SLC1A2: variants seen among roughly 807,000 people sequenced by gnomAD.
SLC1A2 encodes the protein excitatory amino acid transporter 2.
A neutral mutation model predicts 48.8 loss-of-function variants in SLC1A2; 15 were observed. That is an observed-to-expected ratio of 0.31 (90% CI 0.21 to 0.47). SLC1A2 has a LOEUF of 0.47. SLC1A2 is among the 20% of genes least tolerant of loss of function. The probability of loss-of-function intolerance (pLI) is 0.99; values close to 1 mark genes in which losing one functional copy is unlikely to be tolerated. For synonymous variants in SLC1A2, 279 were observed against 272.6 expected, an observed-to-expected ratio of 1.02 and a Z score of -0.23; for missense variants, 502 against 730.5, an observed-to-expected ratio of 0.69 and a Z score of 3.61.
intron 1 of SLC1A2, among the ~76,000 whole-genome samples, chr11:35,328,888 CT>C (rs1278463763): frequency 5.9e-5 from 9 of 152,232 alleles, no homozygotes; most frequent in Admixed American, 5.9e-4. Context: ...CCAACTCTGT[CT>C]CTGGATCACT....
chr11:35,310,399 G>C (rs973325009), intron 4 of SLC1A2, among the ~76,000 whole-genome samples: 2 of 152,186 alleles, frequency 1.3e-5, no homozygotes, highest in African/African-American at 4.8e-5. Context: ...TACAGATGGA[G>C]CCCACTAAGC....
Position 35,381,541 on chromosome 11 carries a change from C to G in SLC1A2, c.17+37409G>C, listed in dbSNP as rs189741654. 1.4e-3 allele frequency among the ~76,000 whole-genome samples: 211 copies of G among 152,202 alleles called. 1 individual carries two copies. The highest frequency in any genetic ancestry group is 4.7e-3 in the African/African-American group (195 of 41,534). ...ACCTTACCCATAAAGATCACCCCTT[C>G]TTTCTCTTTGAGTTTGAGTCCCACC... On this transcript the variant is annotated intron_variant, in intron 1 of 10. Coordinates refer to ENST00000278379, the MANE Select transcript of SLC1A2 (RefSeq NM_004171.4).
intron 1 of SLC1A2, among the ~76,000 whole-genome samples, chr11:35,357,738 C>G (rs772068864): frequency 1.7e-4 from 26 of 152,190 alleles, no homozygotes; most frequent in Admixed American, 1.0e-3. Context: ...TCAGGTCCTA[C>G]ATATTGTCCA....
chr11:35,262,480 G>C (rs942903770), intron 10 of SLC1A2, among the ~76,000 whole-genome samples: 6 of 152,128 alleles, frequency 3.9e-5, no homozygotes, highest in African/African-American at 1.4e-4. Flanking sequence ...AACCACTTGG[G>C]TAATACAAAA....
chr11:35,359,766 T>C (rs1408054304), intron 1 of SLC1A2, among the ~76,000 whole-genome samples: 1 of 152,234 alleles, frequency 6.6e-6, no homozygotes, highest in Non-Finnish European at 1.5e-5. Context: ...ACCAATTGTT[T>C]TTCCTGAAAA....
At chr11:35,352,332 G>A (rs926111777) in intron 1 of SLC1A2, 13 of 152,332 alleles carry the variant, frequency 8.5e-5, no homozygotes, top group African/African-American at 3.1e-4. Flanking sequence ...TGTTGGGAGT[G>A]AATTACCTTA....
At chr11:35,386,951 G>C (rs770599942) in intron 1 of SLC1A2, among the ~76,000 whole-genome samples, 1 of 151,968 alleles carries the variant, frequency 6.6e-6, no homozygotes, top group African/African-American at 2.4e-5. Context: ...TTTATTTGTT[G>C]TAGAGATGGA....
At chr11:35,364,214 G>T (rs1853771824) in intron 1 of SLC1A2, among the ~76,000 whole-genome samples, 1 of 152,192 alleles carries the variant, frequency 6.6e-6, no homozygotes, top group Non-Finnish European at 1.5e-5. Context: ...CAATAGCTGA[G>T]GGTGGGGGCT....
In SLC1A2 at chr11:35,254,812, T is replaced by G. The variant is rs1172218655; in HGVS notation, c.*6082A>C. Reference sequence around the variant, plus strand: ...TTATTCTCAGCACAAAAGGGCCCTGTGTAAAAACCAGAAGGATTTTGTAAA... The same window carrying G: ...TTATTCTCAGCACAAAAGGGCCCTGGGTAAAAACCAGAAGGATTTTGTAAA... On this transcript the variant is annotated 3_prime_UTR_variant, in exon 11 of 11. Transcript: ENST00000278379. 1 of 455,800 alleles carries G rather than the reference T, an allele frequency of 2.2e-6. No individual in the cohort carries two copies. The allele number at this position is 455,800 out of a possible 1,614,324, so 28.2% of individuals were successfully genotyped here. A position where few individuals can be genotyped will look rare whatever the true frequency, so the allele number is the denominator to read the frequency against.
intron 1 of SLC1A2, among the ~76,000 whole-genome samples, chr11:35,390,292 G>A (rs79877444): frequency 0.027 from 4,068 of 152,168 alleles, 70 homozygotes; most frequent in East Asian, 0.084. Flanking sequence ...ACACAGGCAC[G>A]TGCACACACA....
intron 1 of SLC1A2, among the ~76,000 whole-genome samples, chr11:35,336,126 T>G: frequency 8.1e-6 from 1 of 123,282 alleles, no homozygotes; most frequent in African/African-American, 3.1e-5. Context: ...TGAGAACACA[T>G]GGACACAGGG....
intron 1 of SLC1A2, among the ~76,000 whole-genome samples, chr11:35,358,887 C>A (rs1010443000): frequency 6.6e-6 from 1 of 152,142 alleles, no homozygotes; most frequent in Non-Finnish European, 1.5e-5. Flanking sequence ...CACACCCACA[C>A]TCTACGTTGC....
chr11:35,267,627 T>C (rs1850134444), intron 9 of SLC1A2, among the ~76,000 whole-genome samples: 1 of 152,186 alleles, frequency 6.6e-6, no homozygotes, highest in East Asian at 1.9e-4. Context: ...CCCAACTAAC[T>C]AGCTGACCTA....
chr11:35,371,092 A>T, intron 1 of SLC1A2: 1 of 965,476 alleles, frequency 1.0e-6, no homozygotes, highest in Non-Finnish European at 1.2e-6. Context: ...ACTTTGGTCC[A>T]GCACCTGTAG....
At chr11:35,281,803 C>T (rs1352029596) in intron 8 of SLC1A2, 2 of 152,048 alleles carry the variant, frequency 1.3e-5, no homozygotes, top group Admixed American at 6.5e-5. Flanking sequence ...GACTCTTTTT[C>T]CTCTTTTCTA....
Position 35,259,210 on chromosome 11 carries a change from T to C in SLC1A2, c.*1684A>G, listed in dbSNP as rs1229949525. On this transcript the variant is annotated 3_prime_UTR_variant, in exon 11 of 11. Coordinates refer to ENST00000278379, the MANE Select transcript of SLC1A2 (RefSeq NM_004171.4). ...AAAGAGAGAAGTCACAAGGAGCAGA[T>C]AAGAAAGGCTATTTGAGGTCCATAA... 3.3e-5 allele frequency: 5 copies of C among 152,600 alleles called. No individual in the cohort carries two copies. The highest frequency in any genetic ancestry group is 4.8e-5 in the African/African-American group (2 of 41,434). The allele number at this position is 152,600 out of a possible 1,614,324, so 9.5% of individuals were successfully genotyped here.
At chr11:35,407,439 G>A (rs966109806) in intron 1 of SLC1A2, among the ~76,000 whole-genome samples, 2 of 152,200 alleles carry the variant, frequency 1.3e-5, no homozygotes, top group Admixed American at 6.5e-5. Context: ...CTTAGCAGAT[G>A]AACAGGCTTA....
intron 1 of SLC1A2, among the ~76,000 whole-genome samples, chr11:35,364,585 C>G (rs1853781721): frequency 6.6e-6 from 1 of 152,224 alleles, no homozygotes; most frequent in African/African-American, 2.4e-5. Flanking sequence ...GCTCAACAGT[C>G]TGCTGAAGTT....
At chr11:35,317,979 T>G (rs1228827675) in intron 1 of SLC1A2, among the ~76,000 whole-genome samples, 1 of 152,180 alleles carries the variant, frequency 6.6e-6, no homozygotes, top group Non-Finnish European at 1.5e-5. Context: ...GCTCAAGCCT[T>G]CCCCATCCTG....
Sources: gnomAD v4.1 joint callset for allele counts (sites outside exome capture counted in the v4.1 genomes callset) on GRCh38, gnomAD v4.1.1 for gene constraint, MANE v1.5 for transcripts, NCBI Gene and HGNC (gene_info 2026-07-23, HGNC 2026-07-21) for gene names.